The following LINGO2 variants were observed in gnomAD, a reference collection of about 807,000 sequenced individuals.
LINGO2 encodes the protein leucine-rich repeat and immunoglobulin-like domain-containing nogo receptor-interacting protein 2.
Under a neutral mutation model 30.6 loss-of-function variants are expected in LINGO2, and 14 were observed. The ratio of observed to expected loss-of-function variants is 0.46; its 90% CI spans 0.30 to 0.72. The LOEUF is 0.72. LINGO2 is among the 30% of genes least tolerant of loss of function. LINGO2 has a pLI of 0.07. For missense variants in LINGO2, 729 were observed against 751.7 expected (o/e 0.97, Z 0.35); for synonymous variants, 317 against 288.5 (o/e 1.10, Z -1.00).
chr9:28,800,904 A>G, the LINGO2 span, among the ~76,000 whole-genome samples: 2 of 152,102 alleles, frequency 1.3e-5, no homozygotes, highest in Non-Finnish European at 2.9e-5. Flanking sequence ...TGTGTCCTCA[A>G]GCTGCTTGAT....
chr9:28,922,255 A>G, the LINGO2 span, among the ~76,000 whole-genome samples: 1 of 152,194 alleles, frequency 6.6e-6, no homozygotes, highest in South Asian at 2.1e-4. Flanking sequence ...GTCGTGTTCA[A>G]ACTAGTGCAT....
intron 4 of LINGO2, among the ~76,000 whole-genome samples, chr9:28,080,121 C>T (rs543961829): frequency 3.9e-5 from 6 of 152,222 alleles, no homozygotes; most frequent in Non-Finnish European, 8.8e-5. Flanking sequence ...GGCTTTCTAT[C>T]TGATTCTCTG....
At chr9:27,945,820 T>C (rs1454010004), downstream of LINGO2, among the ~76,000 whole-genome samples, 2 of 152,088 alleles carry the variant, frequency 1.3e-5, no homozygotes, top group African/African-American at 4.8e-5. Context: ...TCTGCTCAGA[T>C]AGTGAGAGTG....
chr9:28,617,944 T>C (rs1587967912), intron 1 of LINGO2, among the ~76,000 whole-genome samples: 1 of 152,188 alleles, frequency 6.6e-6, no homozygotes, highest in East Asian at 1.9e-4. Context: ...TTTATGAAGA[T>C]TTCTCTAGTG....
At chr9:28,327,745 C>T (rs1825281055) in intron 3 of LINGO2, among the ~76,000 whole-genome samples, 1 of 152,122 alleles carries the variant, frequency 6.6e-6, no homozygotes, top group Non-Finnish European at 1.5e-5. Flanking sequence ...TTAGTTTCAT[C>T]TGATAAAATA....
chr9:28,575,073 G>C (rs1427110178), intron 1 of LINGO2, among the ~76,000 whole-genome samples: 3 of 152,092 alleles, frequency 2.0e-5, no homozygotes, highest in African/African-American at 7.2e-5. Flanking sequence ...GATGCAGCTG[G>C]AGAACATAAT....
chr9:28,663,361 G>A (rs1828662004), intron 1 of LINGO2, among the ~76,000 whole-genome samples: 1 of 152,192 alleles, frequency 6.6e-6, no homozygotes, highest in South Asian at 2.1e-4. Context: ...AGTAGAGATG[G>A]GGTATCACCA....
chr9:27,953,224 T>A (rs913252718), intron 5 of LINGO2, among the ~76,000 whole-genome samples: 1 of 152,142 alleles, frequency 6.6e-6, no homozygotes, highest in African/African-American at 2.4e-5. Flanking sequence ...CATTAATTGA[T>A]ATAGTAGATT....
At chr9:28,293,598 G>T (rs1054796184) in intron 4 of LINGO2, among the ~76,000 whole-genome samples, 1 of 151,950 alleles carries the variant, frequency 6.6e-6, no homozygotes, top group Non-Finnish European at 1.5e-5. Flanking sequence ...ACTAGATCCA[G>T]TTGATTGATG....
chr9:28,918,470 C>T, the LINGO2 span, among the ~76,000 whole-genome samples: 8 of 152,212 alleles, frequency 5.3e-5, no homozygotes, highest in South Asian at 2.1e-4. Context: ...CAGGAAAGTC[C>T]TTTTAATCCC....
At chr9:28,024,218 A>G (rs184278448) in intron 4 of LINGO2, among the ~76,000 whole-genome samples, 20 of 152,316 alleles carry the variant, frequency 1.3e-4, no homozygotes, top group Admixed American at 1.1e-3. Flanking sequence ...TGATTTTTAA[A>G]TAAGTACTTT....
intron 1 of LINGO2, among the ~76,000 whole-genome samples, chr9:28,512,378 T>C (rs1051968947): frequency 5.9e-5 from 9 of 151,542 alleles, no homozygotes; most frequent in African/African-American, 2.2e-4. Flanking sequence ...GATTCAACAA[T>C]GGGGTACTGC....
intron 1 of LINGO2, among the ~76,000 whole-genome samples, chr9:28,583,740 C>T (rs1307667560): frequency 6.6e-6 from 1 of 151,980 alleles, no homozygotes; most frequent in Non-Finnish European, 1.5e-5. Flanking sequence ...CTGTTCTGCC[C>T]ATATTCTACA....
At chr9:28,695,884 A>G in the LINGO2 span, among the ~76,000 whole-genome samples, 6 of 151,930 alleles carry the variant, frequency 3.9e-5, no homozygotes, top group Non-Finnish European at 5.9e-5. Flanking sequence ...AATGGTATTT[A>G]TTTTGGTTTG....
chr9:29,029,785 C>T, the LINGO2 span, among the ~76,000 whole-genome samples: 21 of 151,878 alleles, frequency 1.4e-4, no homozygotes, highest in Admixed American at 1.2e-3. Context: ...CCTCTCTTTT[C>T]GAGCAAGTTT....
At chr9:28,346,824 A>C (rs1587506710) in intron 3 of LINGO2, among the ~76,000 whole-genome samples, 1 of 151,784 alleles carries the variant, frequency 6.6e-6, no homozygotes, top group East Asian at 1.9e-4. Context: ...TGTTGGCCAC[A>C]TGTATGCCTT....
chr9:28,211,145 A>G (rs1423519937), intron 4 of LINGO2, among the ~76,000 whole-genome samples: 1 of 151,572 alleles, frequency 6.6e-6, no homozygotes, highest in Non-Finnish European at 1.5e-5. Flanking sequence ...GCTAAATAAT[A>G]TTTATTCAGT....
the LINGO2 span, among the ~76,000 whole-genome samples, chr9:28,986,426 C>G: frequency 0.025 from 3,851 of 151,940 alleles, 59 homozygotes; most frequent in Middle Eastern, 0.054. Context: ...AATGGAATTT[C>G]AACAAAAACT....
intron 2 of LINGO2, among the ~76,000 whole-genome samples, chr9:28,445,976 A>C (rs950450485): frequency 6.6e-6 from 1 of 152,220 alleles, no homozygotes; most frequent in African/African-American, 2.4e-5. Flanking sequence ...ATCTGTGCAA[A>C]TGGTTACAAA....
Sources: allele counts gnomAD v4.1 joint callset (sites outside exome capture counted in the v4.1 genomes callset), GRCh38; gene constraint gnomAD v4.1.1; transcripts MANE v1.5; gene names NCBI Gene and HGNC (gene_info 2026-07-23, HGNC 2026-07-21).